Variants in CHCHD3 observed in about 807,000 individuals in gnomAD.
CHCHD3 encodes the protein coiled-coil-helix-coiled-coil-helix domain containing 3, also known as MICOS complex subunit MIC19.
CHCHD3 carries 20 observed loss-of-function variants against 38.2 expected under a neutral mutation model. That is an observed-to-expected ratio of 0.52 (90% CI 0.37 to 0.76). The LOEUF (loss-of-function observed/expected upper bound fraction) is 0.76, where lower values mean the gene tolerates loss of function less well. Ranked by LOEUF, CHCHD3 falls within the 30% of genes least tolerant of loss-of-function variation. The probability of loss-of-function intolerance (pLI) is 0.00; values close to 1 mark genes in which losing one functional copy is unlikely to be tolerated. For missense variants in CHCHD3, 245 were observed against 279.2 expected, an observed-to-expected ratio of 0.88 and a Z score of 0.87; for synonymous variants, 82 against 100.0, an observed-to-expected ratio of 0.82 and a Z score of 1.07.
chr7:132,795,219 C>T (rs1481286585), intron 7 of CHCHD3, among the ~76,000 whole-genome samples: 1 of 152,178 alleles, frequency 6.6e-6, no homozygotes, highest in Non-Finnish European at 1.5e-5. Context: ...TAGAAAAATC[C>T]ATGAATCAAC....
intron 3 of CHCHD3, among the ~76,000 whole-genome samples, chr7:133,004,055 A>T (rs1016987026): frequency 6.6e-6 from 1 of 151,958 alleles, no homozygotes; most frequent in Non-Finnish European, 1.5e-5. Context: ...CCGTGGAGCG[A>T]TTCTCCTGCC....
At chr7:132,921,232 T>C (rs1287995031) in intron 4 of CHCHD3, among the ~76,000 whole-genome samples, 4 of 152,226 alleles carry the variant, frequency 2.6e-5, no homozygotes, top group African/African-American at 4.8e-5. Flanking sequence ...TATATATACA[T>C]TAAGCAAAAA....
chr7:132,876,080 TA>T (rs1261543768), intron 5 of CHCHD3, among the ~76,000 whole-genome samples: 1 of 152,220 alleles, frequency 6.6e-6, no homozygotes, highest in Non-Finnish European at 1.5e-5. Flanking sequence ...CAATTTCCTT[TA>T]AAAAATTTAA....
chr7:132,943,661 T>C (rs1470362979), intron 4 of CHCHD3, among the ~76,000 whole-genome samples: 1 of 152,108 alleles, frequency 6.6e-6, no homozygotes, highest in East Asian at 1.9e-4. Flanking sequence ...ACTCTAAGCA[T>C]ATAGTTACTA....
intron 6 of CHCHD3, among the ~76,000 whole-genome samples, chr7:132,832,224 T>G (rs1458588196): frequency 6.6e-6 from 1 of 152,202 alleles, no homozygotes; most frequent in Non-Finnish European, 1.5e-5. Flanking sequence ...ACAGGGTAAC[T>G]AATCTTTTAA....
At chr7:132,796,692 G>A in intron 6 of CHCHD3, 115 bp from the exon 7 acceptor site, 1 of 922,522 alleles carries the variant, frequency 1.1e-6, no homozygotes, top group Non-Finnish European at 1.6e-6. Context: ...TGTAGAAAAA[G>A]GTTTAAGAGA....
intron 4 of CHCHD3, among the ~76,000 whole-genome samples, chr7:132,948,826 T>C (rs1333739903): frequency 6.6e-6 from 1 of 152,154 alleles, no homozygotes; most frequent in Non-Finnish European, 1.5e-5. Context: ...AATGTTGCTT[T>C]TCACTTTTCT....
At chr7:133,007,185 G>A (rs1263307728) in intron 3 of CHCHD3, among the ~76,000 whole-genome samples, 1 of 152,184 alleles carries the variant, frequency 6.6e-6, no homozygotes, top group Non-Finnish European at 1.5e-5. Flanking sequence ...CTAGGAAGCT[G>A]TTACAGGTGG....
At chr7:132,794,198 C>T (rs1014697566) in intron 7 of CHCHD3, among the ~76,000 whole-genome samples, 1 of 152,198 alleles carries the variant, frequency 6.6e-6, no homozygotes, top group Non-Finnish European at 1.5e-5. Flanking sequence ...CTCTCACTTT[C>T]CCTTACTGCC....
At chr7:133,074,655 TAATAAA>T (rs1814924151) in intron 1 of CHCHD3, among the ~76,000 whole-genome samples, 1 of 152,176 alleles carries the variant, frequency 6.6e-6, no homozygotes, top group Admixed American at 6.5e-5. Flanking sequence ...CCCATGCATG[TAATAAA>T]AATATCACTT....
In CHCHD3 at chr7:133,011,437, G is replaced by A. The variant is rs77862252; in HGVS notation, c.251+13109C>T. 1.9e-3 allele frequency among the ~76,000 whole-genome samples: 291 copies of A among 152,324 alleles called. 2 individuals carry two copies. Among genetic ancestry groups the A allele is most frequent in the Non-Finnish European group, 3.0e-3 (207 of 68,030 alleles). Reference sequence around the variant, plus strand: ...TAATGGCTTACACCAGGGTTTCTCGGCCTCGGAGCTATATCAACATTTTGA... The same window carrying A: ...TAATGGCTTACACCAGGGTTTCTCGACCTCGGAGCTATATCAACATTTTGA... On this transcript the variant is annotated intron_variant, in intron 3 of 7. Transcript: ENST00000262570.
chr7:132,987,265 G>A (rs1377407756), intron 3 of CHCHD3, among the ~76,000 whole-genome samples: 1 of 152,158 alleles, frequency 6.6e-6, no homozygotes, highest in African/African-American at 2.4e-5. Flanking sequence ...AGAACATCAT[G>A]AAGTCTGAAA....
intron 5 of CHCHD3, among the ~76,000 whole-genome samples, chr7:132,862,649 A>G (rs958978149): frequency 6.6e-6 from 1 of 152,228 alleles, no homozygotes; most frequent in Non-Finnish European, 1.5e-5. Context: ...AGTTTTCAGT[A>G]GCATGTGATG....
chr7:132,792,908 T>C (rs2117023806), intron 7 of CHCHD3, among the ~76,000 whole-genome samples: 1 of 152,304 alleles, frequency 6.6e-6, no homozygotes, highest in East Asian at 1.9e-4. Context: ...AAAGCTGAAA[T>C]GCTTAGACTA....
chr7:132,981,812 C>T (rs986967127), intron 3 of CHCHD3, among the ~76,000 whole-genome samples: 22 of 152,040 alleles, frequency 1.4e-4, no homozygotes, highest in African/African-American at 4.6e-4. Flanking sequence ...AAATGGGAAA[C>T]GGAGATTGCT....
chr7:132,927,569 T>C (rs1369499306), intron 4 of CHCHD3, among the ~76,000 whole-genome samples: 1 of 152,254 alleles, frequency 6.6e-6, no homozygotes, highest in East Asian at 1.9e-4. Context: ...TAAAAACAGC[T>C]TGAATTTCTA....
chr7:132,800,770 C>A (rs1175516312), intron 6 of CHCHD3, among the ~76,000 whole-genome samples: 1 of 151,172 alleles, frequency 6.6e-6, no homozygotes, highest in Admixed American at 6.6e-5. Context: ...TGATGAAATA[C>A]CAGAGAGAGG....
intron 5 of CHCHD3, among the ~76,000 whole-genome samples, chr7:132,862,389 T>G (rs1371837805): frequency 6.6e-6 from 1 of 152,206 alleles, no homozygotes; most frequent in Non-Finnish European, 1.5e-5. Flanking sequence ...CGTATAAAAG[T>G]CATGTTTATA....
At chr7:132,941,280 A>G (rs1562915478) in intron 4 of CHCHD3, among the ~76,000 whole-genome samples, 1 of 152,176 alleles carries the variant, frequency 6.6e-6, no homozygotes, top group Non-Finnish European at 1.5e-5. Flanking sequence ...TTACAGCTTC[A>G]TGACAGGGTA....
Sources: allele counts gnomAD v4.1 joint callset (sites outside exome capture counted in the v4.1 genomes callset), GRCh38; gene constraint gnomAD v4.1.1; transcripts MANE v1.5; gene names NCBI Gene and HGNC (gene_info 2026-07-23, HGNC 2026-07-21).